The following DOCK3 variants were observed in gnomAD, a reference collection of about 807,000 sequenced individuals.
DOCK3 encodes dedicator of cytokinesis 3, also known as dedicator of cytokinesis protein 3.
In DOCK3, 60 loss-of-function variants were observed where a neutral mutation model predicts 265.6. The observed-to-expected ratio is 0.23, with a 90% CI of 0.18 to 0.28. DOCK3 has a LOEUF of 0.28. Among genes scored for constraint, DOCK3 ranks in the 10% least tolerant of loss-of-function variants. The pLI is 1.00. For missense variants in DOCK3, 1,981 were observed against 2,594.3 expected (o/e 0.76, Z 5.14); for synonymous variants, 881 against 938.0 (o/e 0.94, Z 1.11).
chr3:51,077,253 G>A (rs1265615680), intron 7 of DOCK3, among the ~76,000 whole-genome samples: 1 of 152,148 alleles, frequency 6.6e-6, no homozygotes, highest in East Asian at 1.9e-4. Context: ...ATTCCCCTTG[G>A]AATACTGGCT....
At chr3:51,204,881 T>G (rs1003619359) in intron 12 of DOCK3, among the ~76,000 whole-genome samples, 1 of 151,750 alleles carries the variant, frequency 6.6e-6, no homozygotes, top group African/African-American at 2.4e-5. Context: ...ATGGATGAAA[T>G]TGGAAATCAT....
intron 50 of DOCK3, 120 bp from the exon 51 acceptor site, chr3:51,375,628 C>A: frequency 9.2e-7 from 1 of 1,090,684 alleles, no homozygotes; most frequent in Non-Finnish European, 1.4e-6. Context: ...GTGAGCTGTG[C>A]CACTGCTTTG....
At chr3:50,756,471 C>G (rs2040170240) in intron 1 of DOCK3, among the ~76,000 whole-genome samples, 2 of 152,138 alleles carry the variant, frequency 1.3e-5, no homozygotes, top group South Asian at 2.1e-4. Context: ...TTTTGTTTAT[C>G]AAAACATACA....
intron 9 of DOCK3, among the ~76,000 whole-genome samples, chr3:51,107,835 A>C (rs1402103705): frequency 2.6e-5 from 4 of 152,170 alleles, no homozygotes; most frequent in Non-Finnish European, 5.9e-5. Context: ...AAATGCAGAA[A>C]ACTCCCAGAA....
intron 4 of DOCK3, among the ~76,000 whole-genome samples, chr3:50,909,446 G>A (rs1401731883): frequency 6.6e-6 from 1 of 151,972 alleles, no homozygotes; most frequent in African/African-American, 2.4e-5. Context: ...TCTTTGAAAA[G>A]GATCTTATCT....
intron 5 of DOCK3, among the ~76,000 whole-genome samples, chr3:50,945,593 C>T (rs1325563491): frequency 2.0e-5 from 3 of 152,016 alleles, no homozygotes; most frequent in Non-Finnish European, 4.4e-5. Flanking sequence ...CTTTAAATCC[C>T]TGGAAGATTA....
At chr3:51,033,215 G>A (rs1370685744) in intron 5 of DOCK3, among the ~76,000 whole-genome samples, 5 of 152,140 alleles carry the variant, frequency 3.3e-5, no homozygotes, top group African/African-American at 9.7e-5. Flanking sequence ...TTGTCATAGT[G>A]GAGAAGGACT....
chr3:51,242,866 G>A (rs2078669209), intron 21 of DOCK3, among the ~76,000 whole-genome samples: 1 of 152,200 alleles, frequency 6.6e-6, no homozygotes. Context: ...AAAGCATTGT[G>A]GAGAGTTGCA....
At chr3:50,747,872 AAG>A (rs779957360) in intron 1 of DOCK3, among the ~76,000 whole-genome samples, 140 of 68,998 alleles carry the variant, frequency 2.0e-3, no homozygotes, top group Non-Finnish European at 3.1e-3. Context: ...TGAAAAAAAA[AAG>A]GGGGGGGGTA....
At chr3:50,949,359 T>G (rs1028260571) in intron 5 of DOCK3, among the ~76,000 whole-genome samples, 2 of 152,126 alleles carry the variant, frequency 1.3e-5, no homozygotes, top group African/African-American at 4.8e-5. Flanking sequence ...ATAGACAGTT[T>G]ATAGAAGAAG....
chr3:50,676,396 G>A (rs1191279662), intron 1 of DOCK3, among the ~76,000 whole-genome samples: 2 of 152,214 alleles, frequency 1.3e-5, no homozygotes, highest in Non-Finnish European at 2.9e-5. Flanking sequence ...GTTTTAAAAG[G>A]TAACTTTCTG....
intron 5 of DOCK3, among the ~76,000 whole-genome samples, chr3:51,006,159 G>A (rs983521586): frequency 6.6e-6 from 1 of 151,616 alleles, no homozygotes; most frequent in African/African-American, 2.4e-5. Flanking sequence ...TCTCCCTCAT[G>A]TCTCTGCTCG....
chr3:50,819,237 A>G (rs2044265902), intron 2 of DOCK3, among the ~76,000 whole-genome samples: 1 of 152,096 alleles, frequency 6.6e-6, no homozygotes, highest in Admixed American at 6.5e-5. Context: ...TACCTGGAGC[A>G]TTTCCATTTT....
intron 9 of DOCK3, among the ~76,000 whole-genome samples, chr3:51,098,788 G>A (rs2082968641): frequency 6.6e-6 from 1 of 152,168 alleles, no homozygotes; most frequent in South Asian, 2.1e-4. Context: ...TTTTCTGTGA[G>A]TTCCAGCAGA....
At chr3:50,874,636 G>A (rs1040189160) in intron 3 of DOCK3, among the ~76,000 whole-genome samples, 2 of 150,976 alleles carry the variant, frequency 1.3e-5, no homozygotes, top group Non-Finnish European at 3.0e-5. Context: ...TTAGTGTTTT[G>A]TAGTTTTTCT....
intron 29 of DOCK3, 28 bp downstream of exon 29, chr3:51,312,107 A>G (rs1177527461): frequency 6.4e-7 from 1 of 1,565,572 alleles, no homozygotes; most frequent in East Asian, 2.3e-5. Flanking sequence ...ATCCATCACT[A>G]TTATTGCAAT....
chr3:51,216,231 G>A (rs2108247527), intron 14 of DOCK3, among the ~76,000 whole-genome samples: 1 of 152,278 alleles, frequency 6.6e-6, no homozygotes, highest in Non-Finnish European at 1.5e-5. Context: ...AGTCAAAAAT[G>A]TATTTAAGCA....
intron 19 of DOCK3, among the ~76,000 whole-genome samples, chr3:51,234,095 T>G (rs1048680764): frequency 3.3e-5 from 5 of 152,204 alleles, no homozygotes; most frequent in African/African-American, 1.2e-4. Flanking sequence ...CTGTATTAAT[T>G]TACATTCTCA....
At chr3:51,256,604 T>C (rs1433928859) in intron 22 of DOCK3, among the ~76,000 whole-genome samples, 1 of 150,898 alleles carries the variant, frequency 6.6e-6, no homozygotes, top group Non-Finnish European at 1.5e-5. Context: ...TTTTTTTTTT[T>C]TTTTTTTAGA....
Sources: allele counts gnomAD v4.1 joint callset (sites outside exome capture counted in the v4.1 genomes callset), GRCh38; gene constraint gnomAD v4.1.1; transcripts MANE v1.5; gene names NCBI Gene and HGNC (gene_info 2026-07-23, HGNC 2026-07-21).